The following CSMD1 variants were observed in gnomAD, a reference collection of about 807,000 sequenced individuals.
CSMD1 encodes the protein CUB and Sushi multiple domains 1, also known as CUB and sushi domain-containing protein 1.
In CSMD1, 213 loss-of-function variants were observed where a neutral mutation model predicts 417.5. The ratio of observed to expected loss-of-function variants is 0.51; its 90% CI spans 0.46 to 0.57. The LOEUF is 0.57. Ranked by LOEUF, CSMD1 falls within the 20% of genes least tolerant of loss-of-function variation. The pLI, the probability that CSMD1 is intolerant of heterozygous loss-of-function variation, is 0.00. For missense variants in CSMD1, 6,923 were observed against 4,529.7 expected (o/e 1.53, Z -15.17); for synonymous variants, 2,862 against 1,736.8 (o/e 1.65, Z -16.11).
chr8:3,374,431 G>C (rs1472658985), intron 18 of CSMD1, among the ~76,000 whole-genome samples: 1 of 152,268 alleles, frequency 6.6e-6, no homozygotes, highest in Non-Finnish European at 1.5e-5. Flanking sequence ...TTTTTCCAAA[G>C]TTTACATTCT....
At chr8:4,338,647 A>T (rs1800307131) in intron 3 of CSMD1, among the ~76,000 whole-genome samples, 1 of 152,144 alleles carries the variant, frequency 6.6e-6, no homozygotes, top group Non-Finnish European at 1.5e-5. Flanking sequence ...AGCTGTCATA[A>T]AATGTGCTCA....
At chr8:4,007,624 A>C (rs1816229422) in intron 4 of CSMD1, among the ~76,000 whole-genome samples, 1 of 151,690 alleles carries the variant, frequency 6.6e-6, no homozygotes, top group Non-Finnish European at 1.5e-5. Flanking sequence ...CTGTTCTTGC[A>C]CTTGCGTGCA....
Position 4,277,611 on chromosome 8 carries a change from T to C in CSMD1, c.415+142342A>G, listed in dbSNP as rs538231343. 4.9e-4 allele frequency among the ~76,000 whole-genome samples: 75 copies of C among 152,342 alleles called. No individual in the cohort carries two copies. The South Asian group carries it at 0.015, about 31-fold the overall frequency. ...AACAGCAAGTTCACTATGAGGTGTC[T>C]CATACTTCCCTTTCTCACAAGGATA... On this transcript the variant is annotated intron_variant, in intron 3 of 69. Transcript: ENST00000635120.
intron 5 of CSMD1, among the ~76,000 whole-genome samples, chr8:3,841,087 C>G (rs551648032): frequency 2.0e-5 from 3 of 151,982 alleles, no homozygotes; most frequent in Non-Finnish European, 4.4e-5. Context: ...GATGTTAAAT[C>G]AAGTATTAAA....
At chr8:3,964,609 T>C (rs1812550016) in intron 5 of CSMD1, among the ~76,000 whole-genome samples, 1 of 152,216 alleles carries the variant, frequency 6.6e-6, no homozygotes, top group African/African-American at 2.4e-5. Context: ...CCAATTGTAA[T>C]GTTTTAGCTA....
chr8:4,456,797 G>C (rs76083514), intron 2 of CSMD1, among the ~76,000 whole-genome samples: 20,123 of 151,946 alleles, frequency 0.13, 1,705 homozygotes, highest in South Asian at 0.25. Context: ...GTAAGCTGAA[G>C]AAGCTACCTG....
chr8:3,497,720 A>T (rs753948927), intron 10 of CSMD1, among the ~76,000 whole-genome samples: 1 of 152,168 alleles, frequency 6.6e-6, no homozygotes, highest in Non-Finnish European at 1.5e-5. Flanking sequence ...GGCAGTATGC[A>T]CTTAGATATT....
chr8:3,979,488 G>A (rs1050440878), intron 5 of CSMD1, among the ~76,000 whole-genome samples: 1 of 152,144 alleles, frequency 6.6e-6, no homozygotes, highest in Admixed American at 6.5e-5. Context: ...TTAGAATGTT[G>A]TGTCACTCCA....
chr8:4,027,311 A>G (rs1797113316), intron 4 of CSMD1, among the ~76,000 whole-genome samples: 1 of 152,200 alleles, frequency 6.6e-6, no homozygotes, highest in South Asian at 2.1e-4. Flanking sequence ...AGTAGAAAGT[A>G]GGATGATGGT....
chr8:4,839,966 T>G (rs1317053143), intron 1 of CSMD1, among the ~76,000 whole-genome samples: 1 of 152,156 alleles, frequency 6.6e-6, no homozygotes, highest in Non-Finnish European at 1.5e-5. Context: ...CTTCAGTGTT[T>G]GCAAGTGTAA....
At chr8:3,721,792 A>C (rs920040928) in intron 6 of CSMD1, among the ~76,000 whole-genome samples, 1 of 152,192 alleles carries the variant, frequency 6.6e-6, no homozygotes, top group African/African-American at 2.4e-5. Context: ...CTGAATGGTC[A>C]ATCTTCATCA....
chr8:3,017,805 TTAAAAA>T (rs1563242127), intron 52 of CSMD1, among the ~76,000 whole-genome samples: 2 of 121,690 alleles, frequency 1.6e-5, no homozygotes, highest in Admixed American at 8.6e-5. Flanking sequence ...TTTGAGTGAT[TTAAAAA>T]AAAAAAAAAA....
intron 1 of CSMD1, among the ~76,000 whole-genome samples, chr8:4,665,869 C>T (rs1384550577): frequency 6.6e-6 from 1 of 152,100 alleles, no homozygotes; most frequent in Non-Finnish European, 1.5e-5. Context: ...TGAGTAATTA[C>T]CTAGGAAGAC....
At chr8:3,943,948 G>C (rs1413242903) in intron 5 of CSMD1, among the ~76,000 whole-genome samples, 3 of 152,084 alleles carry the variant, frequency 2.0e-5, no homozygotes, top group Non-Finnish European at 4.4e-5. Context: ...GGAATGTTAG[G>C]TAAAATTTGA....
At chr8:4,166,968 G>A (rs960702385) in intron 3 of CSMD1, among the ~76,000 whole-genome samples, 13 of 152,222 alleles carry the variant, frequency 8.5e-5, no homozygotes, top group South Asian at 4.1e-4. Context: ...ACATGCTGAA[G>A]GCACTGTGCT....
intron 1 of CSMD1, among the ~76,000 whole-genome samples, chr8:4,971,684 C>G (rs1329074980): frequency 1.0e-5 from 1 of 100,480 alleles, no homozygotes; most frequent in African/African-American, 3.9e-5. Context: ...GAGAACTATT[C>G]TGAAATATAT....
Position 3,289,251 on chromosome 8 carries a change from C to A in CSMD1, c.3951-4905G>T, listed in dbSNP as rs553024906. 1.6e-4 allele frequency among the ~76,000 whole-genome samples: 24 copies of A among 146,758 alleles called. 3 individuals carry two copies. The highest frequency in any genetic ancestry group is 8.3e-4 in the South Asian group (4 of 4,796). On this transcript the variant is annotated intron_variant, in intron 25 of 69. Transcript: ENST00000635120. ...TTGTTGGACATTTAGGTTGGTTCCA[C>A]GTCTTTGCTATTGTGAATAGTGCCG...
intron 3 of CSMD1, among the ~76,000 whole-genome samples, chr8:4,156,322 G>A (rs148725682): frequency 5.3e-5 from 8 of 152,160 alleles, no homozygotes; most frequent in Non-Finnish European, 1.2e-4. Flanking sequence ...GGCTCTGAAC[G>A]GCCGTGCAAA....
intron 41 of CSMD1, chr8:3,129,010 C>T (rs141620033): frequency 3.4e-4 from 118 of 347,314 alleles, no homozygotes; most frequent in African/African-American, 2.3e-3. Context: ...AAATAAAACA[C>T]TTGCTTAGCC....
Sources: allele counts gnomAD v4.1 joint callset (sites outside exome capture counted in the v4.1 genomes callset), GRCh38; gene constraint gnomAD v4.1.1; transcripts MANE v1.5; gene names NCBI Gene and HGNC (gene_info 2026-07-23, HGNC 2026-07-21).